The following SGCA variants were observed in gnomAD, a reference collection of about 807,000 sequenced individuals.
The protein encoded by SGCA is sarcoglycan alpha.
A neutral mutation model predicts 38.1 loss-of-function variants in SGCA; 34 were observed. The ratio of observed to expected loss-of-function variants is 0.89; its 90% CI spans 0.68 to 1.19. The LOEUF (loss-of-function observed/expected upper bound fraction) is 1.19, where lower values mean the gene tolerates loss of function less well. Ranked by LOEUF, SGCA falls within the 50% of genes most tolerant of loss-of-function variation. The pLI, the probability that SGCA is intolerant of heterozygous loss-of-function variation, is 0.00. For missense variants in SGCA, 476 were observed against 524.9 expected, an observed-to-expected ratio of 0.91 and a Z score of 0.91; for synonymous variants, 209 against 214.6, an observed-to-expected ratio of 0.97 and a Z score of 0.23.
At chr17:50,172,547 C>G (rs1905542829) in intron 8 of SGCA, 2 of 314,344 alleles carry the variant, frequency 6.4e-6, no homozygotes, top group Non-Finnish European at 6.3e-6. Flanking sequence ...GTGGCATAAT[C>G]ATAGCTCACT....
chr17:50,170,907 T>A (rs61481658), intron 8 of SGCA, among the ~76,000 whole-genome samples: 1,575 of 146,960 alleles, frequency 0.011, 31 homozygotes, highest in African/African-American at 0.04. Context: ...AAAAAAAAAA[T>A]TTTTTAACTA....
At chr17:50,171,164 T>G (rs892777374) in intron 8 of SGCA, among the ~76,000 whole-genome samples, 1 of 152,216 alleles carries the variant, frequency 6.6e-6, no homozygotes, top group African/African-American at 2.4e-5. Context: ...AGTATCAGTA[T>G]GAGTCAGACA....
In SGCA at chr17:50,167,826, AC is replaced by A; in HGVS notation, c.312+91del. On this transcript the variant is annotated intron_variant, in intron 3 of 9. Coordinates refer to ENST00000262018, the MANE Select transcript of SGCA (RefSeq NM_000023.4). The surrounding 1 kb of genome is among the most constrained non-coding windows in gnomAD (Gnocchi z 4.5). ...ATGAATTGGGATTGGGTGCTCATTC[AC>A]AGTCATTTACATATAATTTACATAC... 1 of 1,538,992 alleles carries A rather than the reference AC, an allele frequency of 6.5e-7. No individual in the cohort carries two copies. Among genetic ancestry groups the A allele is most frequent in the South Asian group, 1.1e-5 (1 of 89,520 alleles).
chr17:50,166,388 C>T (rs1035000403), intron 1 of SGCA, among the ~76,000 whole-genome samples: 1 of 152,058 alleles, frequency 6.6e-6, no homozygotes, highest in Non-Finnish European at 1.5e-5. Flanking sequence ...GCTTCTAAGC[C>T]CAGGCTAAAT....
Position 50,167,958 on chromosome 17 carries a change from C to T in SGCA, c.324C>T (p.Tyr108=). 1 of 1,614,218 alleles carries T rather than the reference C, an allele frequency of 6.2e-7. No individual in the cohort carries two copies. Among genetic ancestry groups the T allele is most frequent in the Non-Finnish European group, 8.5e-7 (1 of 1,180,016 alleles). The change falls in exon 4 of 10, where the codon TAC becomes TAT. Residue 108 remains tyrosine, a synonymous_variant. Coordinates refer to ENST00000262018, the MANE Select transcript of SGCA (RefSeq NM_000023.4). This position sits in a 1 kb window ranked among gnomAD's most constrained non-coding sequence, Gnocchi z 4.5. ...RGLQVIEVTA[Y]NRDSFDTTRQ... The stretch of plus-strand genomic sequence containing the variant: ...TTCCCATCCCCCAGGTCACAGCCTA[C>T]AATCGGGACAGCTTTGATACCACTC...
chr17:50,173,578 C>A (rs1905657163), intron 8 of SGCA, among the ~76,000 whole-genome samples: 1 of 152,208 alleles, frequency 6.6e-6, no homozygotes, highest in Non-Finnish European at 1.5e-5. Context: ...GTAATGAGGT[C>A]CAGATGTGGG....
At chr17:50,175,490 A>G in intron 9 of SGCA, 41 bp downstream of exon 9, 1 of 1,556,352 alleles carries the variant, frequency 6.4e-7, no homozygotes, top group Admixed American at 1.7e-5. Flanking sequence ...TCTGGGAACA[A>G]GATGGCCTTT....
chr17:50,166,943 TCACA>T (rs1305218304), intron 1 of SGCA, among the ~76,000 whole-genome samples: 1 of 57,246 alleles, frequency 1.7e-5, no homozygotes, highest in Non-Finnish European at 3.2e-5. Flanking sequence ...ACACACACCC[TCACA>T]CACACCCTCT....
At chr17:50,169,518 C>T (rs562764968) in intron 6 of SGCA, 31 of 524,994 alleles carry the variant, frequency 5.9e-5, no homozygotes, top group Non-Finnish European at 8.2e-5. Flanking sequence ...CTCCAACTCC[C>T]GCGCCCCAGA....
At position 50,166,018 on chromosome 17, in the gene SGCA, C is replaced by A; in HGVS notation, c.-23C>A. On this transcript the variant is annotated 5_prime_UTR_variant, in exon 1 of 10. Transcript: ENST00000262018. ...CCTGCCCCCTGTCTCTGTCACTCAC[C>A]GGGCGGGCCAGGCCGGGCAGCCATG... The A allele has an allele frequency of 6.2e-7, 1 of 1,609,794 alleles. No individual in the cohort carries two copies. Among genetic ancestry groups the A allele is most frequent in the Non-Finnish European group, 8.5e-7 (1 of 1,176,378 alleles).
chr17:50,169,446 C>CA (rs61359101), intron 6 of SGCA, 192 bp downstream of exon 6: 70 of 576,292 alleles, frequency 1.2e-4, no homozygotes, highest in South Asian at 3.9e-4. Context: ...CACACACACA[C>CA]CCCTGAAGTT....
intron 8 of SGCA, chr17:50,171,695 A>T: frequency 2.2e-6 from 1 of 456,764 alleles, no homozygotes; most frequent in Non-Finnish European, 4.4e-6. Flanking sequence ...AGGGTGAAGG[A>T]GCCTGAGGCC....
intron 8 of SGCA, among the ~76,000 whole-genome samples, chr17:50,170,918 G>T (rs1207675699): frequency 1.3e-5 from 2 of 152,168 alleles, no homozygotes; most frequent in Admixed American, 1.3e-4. Context: ...TTTTTAACTA[G>T]CCAGGCGTGG....
chr17:50,169,813 GACA>G (rs377633916), intron 6 of SGCA: 23 of 455,800 alleles, frequency 5.0e-5, no homozygotes, highest in African/African-American at 3.8e-4. Context: ...ACTGGTAATT[GACA>G]ACATTCTTGA....
chr17:50,171,741 G>A (rs1353727731), intron 8 of SGCA: 2 of 456,856 alleles, frequency 4.4e-6, no homozygotes, highest in Non-Finnish European at 8.8e-6. Flanking sequence ...TTGTCCACCA[G>A]CCCCTTGAGC....
At position 50,170,380 on chromosome 17, in the gene SGCA, C is replaced by A. The variant is rs768849469; in HGVS notation, c.956+29C>A. The stretch of plus-strand genomic sequence containing the variant: ...AATGTGGGCATGAAGGGCGGGGGAG[C>A]ACCTGCTGGAGCTCACACCCATGGG... On this transcript the variant is annotated intron_variant, in intron 7 of 9. Coordinates refer to ENST00000262018, the MANE Select transcript of SGCA (RefSeq NM_000023.4). 5 of 1,597,354 alleles carry A rather than the reference C, an allele frequency of 3.1e-6. No homozygotes were observed. In the African/African-American group the frequency reaches 6.7e-5, roughly 21 times the overall value.
rs774107033 is a variant in SGCA at position 50,167,386 on chromosome 17, G to A, written c.56G>A (p.Gly19Glu). ...CCCACAGTTCTCCTGGCAGGGCTGG[G>A]GGACACCGAGGCCCAGCAGACCACG... The part of the protein sequence containing the change: ...PLLVVLLAGL[G>E]DTEAQQTTLH... Residue 19 changes from glycine to glutamate, a missense_variant, in exon 2 of 10, where the codon GGG becomes GAG. Transcript: ENST00000262018. This position sits in a 1 kb window ranked among gnomAD's most constrained non-coding sequence, Gnocchi z 4.5. 4.5e-5 allele frequency: 72 copies of A among 1,614,026 alleles called. No homozygotes were observed. Among genetic ancestry groups the A allele is most frequent in the Non-Finnish European group, 5.9e-5 (70 of 1,180,024 alleles).
At chr17:50,174,298 G>A (rs1314067037) in intron 8 of SGCA, among the ~76,000 whole-genome samples, 2 of 152,050 alleles carry the variant, frequency 1.3e-5, no homozygotes, top group South Asian at 4.2e-4. Flanking sequence ...TGAAGTTGGC[G>A]ACAAAGTGAG....
chr17:50,166,832 C>T (rs868704821), intron 1 of SGCA, among the ~76,000 whole-genome samples: 3 of 129,402 alleles, frequency 2.3e-5, no homozygotes, highest in Non-Finnish European at 4.9e-5. Context: ...CACACACACC[C>T]CACACACCGT....
Sources: gnomAD v4.1 joint callset for allele counts (sites outside exome capture counted in the v4.1 genomes callset) on GRCh38, gnomAD v4.1.1 for gene constraint, Gnocchi (gnomAD v3.1) non-coding constraint, MANE v1.5 for transcripts, NCBI Gene and HGNC (gene_info 2026-07-23, HGNC 2026-07-21) for gene names.